KAZN: variants seen among roughly 807,000 people sequenced by gnomAD.
KAZN encodes kazrin.
In KAZN, 40 loss-of-function variants were observed where a neutral mutation model predicts 87.4. The observed-to-expected ratio is 0.46, with a 90% confidence interval of 0.36 to 0.60. KAZN has a LOEUF of 0.60. Among genes scored for constraint, KAZN ranks in the 20% least tolerant of loss-of-function variants. KAZN has a pLI of 0.00. For missense variants in KAZN, 898 were observed against 1,073.9 expected, an observed-to-expected ratio of 0.84 and a Z score of 2.29; for synonymous variants, 466 against 458.3, an observed-to-expected ratio of 1.02 and a Z score of -0.22.
chr1:14,760,583 A>T (rs773512022), intron 1 of KAZN, among the ~76,000 whole-genome samples: 1 of 152,170 alleles, frequency 6.6e-6, no homozygotes, highest in East Asian at 1.9e-4. Flanking sequence ...TTTTCTCCAC[A>T]CAGCAGCCAG....
intron 2 of KAZN, among the ~76,000 whole-genome samples, chr1:14,399,906 T>G (rs1376319001): frequency 6.6e-6 from 1 of 152,206 alleles, no homozygotes; most frequent in Non-Finnish European, 1.5e-5. Flanking sequence ...TATACCCTGT[T>G]CATCTCATCA....
chr1:15,027,112 C>G (rs552959880), intron 2 of KAZN, among the ~76,000 whole-genome samples: 1 of 99,020 alleles, frequency 1.0e-5, no homozygotes, highest in Non-Finnish European at 1.8e-5. Flanking sequence ...GACAGAGTCT[C>G]GCTCTGTCGC....
Position 14,304,607 on chromosome 1 carries a change from A to G in KAZN, c.249+124015A>G, listed in dbSNP as rs1654788482. On this transcript the variant is annotated intron_variant, in intron 2 of 16. Coordinates refer to the KAZN transcript ENST00000636203. ...TCTTTCAGAAGTCATCCATAAACAC[A>G]TGGACAATGAATTCATTTCAATGCA... 4 of 398,256 alleles carry G rather than the reference A, an allele frequency of 1.0e-5. No homozygotes were observed. The South Asian group carries it at 5.1e-4, about 51-fold the overall frequency. 24.7% of individuals were successfully genotyped at this position (398,256 alleles called of 1,614,324 possible). A position where few individuals can be genotyped will look rare whatever the true frequency, so the allele number is the denominator to read the frequency against.
chr1:14,467,179 AAAG>A (rs1208472701), intron 2 of KAZN, among the ~76,000 whole-genome samples: 1 of 152,204 alleles, frequency 6.6e-6, no homozygotes, highest in Non-Finnish European at 1.5e-5. Context: ...TAACAGCACA[AAAG>A]AGGAGGGAGG....
At chr1:14,353,677 A>T (rs941243097) in intron 2 of KAZN, among the ~76,000 whole-genome samples, 6 of 152,230 alleles carry the variant, frequency 3.9e-5, no homozygotes, top group African/African-American at 1.4e-4. Context: ...AAATAAAAAT[A>T]TCATTTAAAA....
At chr1:14,050,085 T>C (rs534562889) in intron 1 of KAZN, among the ~76,000 whole-genome samples, 109 of 151,252 alleles carry the variant, frequency 7.2e-4, no homozygotes, top group Non-Finnish European at 1.2e-3. Flanking sequence ...CACATGCCTG[T>C]GTACATGTGT....
chr1:14,223,611 C>G (rs1361731228), intron 2 of KAZN, among the ~76,000 whole-genome samples: 1 of 152,196 alleles, frequency 6.6e-6, no homozygotes, highest in Non-Finnish European at 1.5e-5. Flanking sequence ...TTTTAAAGCT[C>G]TCCCAAATTT....
At chr1:14,252,205 G>T (rs778101979) in intron 2 of KAZN, among the ~76,000 whole-genome samples, 1 of 152,138 alleles carries the variant, frequency 6.6e-6, no homozygotes, top group Non-Finnish European at 1.5e-5. Flanking sequence ...ATGTTCCTAA[G>T]GAGTCTTCTC....
intron 1 of KAZN, among the ~76,000 whole-genome samples, chr1:14,761,010 AGATTTGGCC>A (rs1259115792): frequency 6.6e-6 from 1 of 152,244 alleles, no homozygotes; most frequent in African/African-American, 2.4e-5. Context: ...GCAGCGGGCC[AGATTTGGCC>A]CACAGACAGT....
intron 1 of KAZN, among the ~76,000 whole-genome samples, chr1:14,699,040 C>T (rs191008194): frequency 1.4e-4 from 22 of 152,292 alleles, no homozygotes; most frequent in African/African-American, 4.6e-4. Flanking sequence ...GCTCTTCCAG[C>T]GTCTGGCTGT....
At chr1:14,227,315 A>T (rs1357936019) in intron 2 of KAZN, among the ~76,000 whole-genome samples, 1 of 152,136 alleles carries the variant, frequency 6.6e-6, no homozygotes, top group African/African-American at 2.4e-5. Context: ...CAGAAGGAGC[A>T]CAGTGAGAAT....
intron 2 of KAZN, among the ~76,000 whole-genome samples, chr1:14,394,925 C>A (rs1662767623): frequency 6.6e-6 from 1 of 152,152 alleles, no homozygotes; most frequent in South Asian, 2.1e-4. Context: ...GACTCAGGAG[C>A]TTCTGTTCAG....
In KAZN at chr1:14,413,139, C is replaced by A. The variant is rs370427042; in HGVS notation, c.250-185844C>A. Among the ~76,000 whole-genome samples the A allele has an allele frequency of 3.1e-4, 46 of 149,492 alleles. 2 individuals are homozygous for A. In the South Asian group the frequency reaches 9.7e-3, roughly 31 times the overall value. On this transcript the variant is annotated intron_variant, in intron 2 of 16. Coordinates refer to the KAZN transcript ENST00000636203. Reference sequence around the variant, plus strand: ...TTAATCTATGATAGTAGATTAGATACCTACTAGATAGAGATTAGATATCTA... The same window carrying A: ...TTAATCTATGATAGTAGATTAGATAACTACTAGATAGAGATTAGATATCTA...
At chr1:14,225,711 T>G (rs1457851301) in intron 2 of KAZN, among the ~76,000 whole-genome samples, 1 of 152,164 alleles carries the variant, frequency 6.6e-6, no homozygotes, top group Non-Finnish European at 1.5e-5. Context: ...GCTACATTCC[T>G]ACAAGTATCT....
chr1:14,332,046 C>A (rs1656894793), intron 2 of KAZN, among the ~76,000 whole-genome samples: 1 of 152,144 alleles, frequency 6.6e-6, no homozygotes, highest in South Asian at 2.1e-4. Flanking sequence ...TTAGGCTCTG[C>A]AGGCCACATA....
intron 2 of KAZN, among the ~76,000 whole-genome samples, chr1:14,514,385 T>TTATATATA (rs1671119402): frequency 5.0e-5 from 1 of 19,872 alleles, no homozygotes; most frequent in Non-Finnish European, 9.3e-5. Context: ...AATATATATA[T>TTATATATA]ATTATATATA....
At chr1:13,966,187 C>T (rs766224290) in intron 1 of KAZN, among the ~76,000 whole-genome samples, 1 of 98,090 alleles carries the variant, frequency 1.0e-5, no homozygotes, top group African/African-American at 3.4e-5. Flanking sequence ...TTCCTTCCCT[C>T]CCTCCTACTC....
chr1:14,319,544 C>T (rs879787060), intron 2 of KAZN, among the ~76,000 whole-genome samples: 7 of 152,146 alleles, frequency 4.6e-5, no homozygotes, highest in Middle Eastern at 3.2e-3. Context: ...TTCTGTAGAG[C>T]CCCGTTCTCT....
chr1:14,502,759 A>C (rs552887957), intron 2 of KAZN, among the ~76,000 whole-genome samples: 3 of 152,314 alleles, frequency 2.0e-5, no homozygotes, highest in African/African-American at 7.2e-5. Flanking sequence ...GAAAAAGTAA[A>C]ATACAGACAT....
Sources: allele counts gnomAD v4.1 joint callset (sites outside exome capture counted in the v4.1 genomes callset), GRCh38; gene constraint gnomAD v4.1.1; transcripts MANE v1.5; gene names NCBI Gene and HGNC (gene_info 2026-07-23, HGNC 2026-07-21).